The following EYS variants were observed in gnomAD, a reference collection of about 807,000 sequenced individuals.
The protein encoded by EYS is protein eyes shut homolog.
EYS carries 250 observed loss-of-function variants against 282.1 expected under a neutral mutation model. The observed-to-expected ratio is 0.89, with a 90% CI of 0.80 to 0.98. EYS has a LOEUF of 0.98. Among genes scored for constraint, EYS ranks in the 50% least tolerant of loss-of-function variants. The pLI is 0.00. For synonymous variants in EYS, 1,355 were observed against 1,282.9 expected, an observed-to-expected ratio of 1.06 and a Z score of -1.20; for missense variants, 4,016 against 3,709.0, an observed-to-expected ratio of 1.08 and a Z score of -2.15.
At chr6:64,168,701 T>A (rs1764378591) in intron 31 of EYS, among the ~76,000 whole-genome samples, 1 of 152,146 alleles carries the variant, frequency 6.6e-6, no homozygotes, top group African/African-American at 2.4e-5. Context: ...GAAGGAAAAC[T>A]TATGGTCATA....
At chr6:65,198,045 T>C (rs1258711116) in intron 12 of EYS, among the ~76,000 whole-genome samples, 1 of 152,180 alleles carries the variant, frequency 6.6e-6, no homozygotes, top group Non-Finnish European at 1.5e-5. Context: ...CACAAGCACA[T>C]TGTACAGCTC....
At chr6:64,820,757 T>C (rs1333137250) in intron 21 of EYS, among the ~76,000 whole-genome samples, 2 of 151,916 alleles carry the variant, frequency 1.3e-5, no homozygotes, top group Non-Finnish European at 1.5e-5. Flanking sequence ...CAATATAGAG[T>C]TTCCATCTTG....
intron 19 of EYS, among the ~76,000 whole-genome samples, chr6:64,856,801 G>C (rs1400228809): frequency 6.6e-6 from 1 of 151,642 alleles, no homozygotes; most frequent in East Asian, 1.9e-4. Flanking sequence ...TTCTCTCATG[G>C]ATCAAGCTCT....
chr6:65,056,942 C>G (rs1295851957), intron 13 of EYS, among the ~76,000 whole-genome samples: 2 of 151,634 alleles, frequency 1.3e-5, no homozygotes, highest in Admixed American at 6.6e-5. Flanking sequence ...GGCAAACAAT[C>G]TTACATTTTT....
chr6:65,189,200 T>G (rs1271426450), intron 12 of EYS, among the ~76,000 whole-genome samples: 1 of 151,698 alleles, frequency 6.6e-6, no homozygotes. Flanking sequence ...AATAATGTAT[T>G]ATATGTATTA....
At chr6:64,339,946 G>T (rs1771031529) in intron 29 of EYS, among the ~76,000 whole-genome samples, 1 of 151,718 alleles carries the variant, frequency 6.6e-6, no homozygotes, top group African/African-American at 2.4e-5. Flanking sequence ...GTTGGATTCA[G>T]TGAATACTTC....
Position 64,421,860 on chromosome 6 carries a change from G to GTGTGTGTGT in EYS, c.5927+14313_5927+14314insACACACACA, listed in dbSNP as rs1554159220. 6.1e-4 allele frequency among the ~76,000 whole-genome samples: 84 copies of GTGTGTGTGT among 138,350 alleles called. 1 individual carries two copies. In the East Asian group the frequency reaches 7.0e-3, roughly 12 times the overall value. 90.8% of individuals were successfully genotyped at this position (138,350 alleles called of 152,430 possible). The stretch of plus-strand genomic sequence containing the variant: ...AGAGAGCGCATTTTTTTGTTTGGGG[G>GTGTGTGTGT]GTGTGTGTGTGTGTGTGTGTGTGTG... On this transcript the variant is annotated intron_variant, in intron 28 of 42. Coordinates refer to ENST00000503581, the MANE Select transcript of EYS (RefSeq NM_001142800.2).
chr6:65,488,925 T>A (rs1765916601), intron 5 of EYS, among the ~76,000 whole-genome samples: 1 of 152,266 alleles, frequency 6.6e-6, no homozygotes, highest in African/African-American at 2.4e-5. Context: ...GCTAGCCATA[T>A]GCTGAAAACT....
intron 19 of EYS, among the ~76,000 whole-genome samples, chr6:64,825,471 CG>C (rs1765024853): frequency 6.6e-6 from 1 of 151,684 alleles, no homozygotes; most frequent in Non-Finnish European, 1.5e-5. Flanking sequence ...TTGTCATATA[CG>C]TGTGTGTGGG....
chr6:64,708,015 C>CAA (rs147355945), intron 22 of EYS, among the ~76,000 whole-genome samples: 2 of 150,246 alleles, frequency 1.3e-5, no homozygotes, highest in African/African-American at 4.9e-5. Flanking sequence ...ATATACAGCA[C>CAA]AAAAAAAAAC....
At chr6:64,780,416 A>T (rs1773822531) in intron 22 of EYS, among the ~76,000 whole-genome samples, 1 of 152,186 alleles carries the variant, frequency 6.6e-6, no homozygotes, top group Non-Finnish European at 1.5e-5. Flanking sequence ...ACTCAGAAAC[A>T]GAAAATCAAA....
chr6:64,299,414 G>A (rs1769151010), intron 30 of EYS, among the ~76,000 whole-genome samples: 1 of 152,244 alleles, frequency 6.6e-6, no homozygotes, highest in South Asian at 2.1e-4. Context: ...ATCAGTGTCT[G>A]AGTACATTAT....
intron 10 of EYS, among the ~76,000 whole-genome samples, chr6:65,337,504 T>A (rs1770033274): frequency 3.3e-5 from 5 of 151,314 alleles, no homozygotes; most frequent in Admixed American, 2.0e-4. Context: ...ATGACACTAC[T>A]TTATTTTTCT....
chr6:64,815,979 A>G (rs1764732771), intron 21 of EYS, among the ~76,000 whole-genome samples: 1 of 152,116 alleles, frequency 6.6e-6, no homozygotes, highest in Non-Finnish European at 1.5e-5. Flanking sequence ...TGTGGTTTAG[A>G]TCCACAGGGT....
At chr6:64,072,786 G>T (rs1017230151) in intron 32 of EYS, among the ~76,000 whole-genome samples, 2 of 151,762 alleles carry the variant, frequency 1.3e-5, no homozygotes, top group African/African-American at 4.8e-5. Flanking sequence ...TTCATAAACT[G>T]CTTTATGTTA....
intron 26 of EYS, among the ~76,000 whole-genome samples, chr6:64,580,994 G>A (rs1766042106): frequency 6.6e-6 from 1 of 152,064 alleles, no homozygotes; most frequent in African/African-American, 2.4e-5. Flanking sequence ...TTTTGGTATT[G>A]GGAAGATTAC....
chr6:64,028,226 A>G (rs1294024613), intron 33 of EYS, among the ~76,000 whole-genome samples: 8 of 152,220 alleles, frequency 5.3e-5, no homozygotes, highest in Non-Finnish European at 1.2e-4. Context: ...GACAATTTGG[A>G]AGGGCAAAAA....
intron 31 of EYS, among the ~76,000 whole-genome samples, chr6:64,199,679 C>A (rs1423261208): frequency 6.6e-6 from 1 of 152,052 alleles, no homozygotes; most frequent in Non-Finnish European, 1.5e-5. Context: ...ATCTATCCAT[C>A]TGACAAAGGG....
At chr6:64,585,226 C>T (rs560345624) in intron 26 of EYS, among the ~76,000 whole-genome samples, 6 of 152,116 alleles carry the variant, frequency 3.9e-5, no homozygotes, top group African/African-American at 1.4e-4. Flanking sequence ...AATAGGAAAC[C>T]AAATACTAGA....
Sources: gnomAD v4.1 joint callset for allele counts (sites outside exome capture counted in the v4.1 genomes callset) on GRCh38, gnomAD v4.1.1 for gene constraint, MANE v1.5 for transcripts, NCBI Gene and HGNC (gene_info 2026-07-23, HGNC 2026-07-21) for gene names.